Variants in CRYBG3 observed in about 807,000 individuals in gnomAD.
CRYBG3 encodes crystallin beta-gamma domain containing 3.
A neutral mutation model predicts 244.2 loss-of-function variants in CRYBG3; 127 were observed. The observed-to-expected ratio is 0.52, with a 90% confidence interval of 0.45 to 0.60. The LOEUF (loss-of-function observed/expected upper bound fraction) is 0.60, where lower values mean the gene tolerates loss of function less well. Ranked by LOEUF, CRYBG3 falls within the 20% of genes least tolerant of loss-of-function variation. The pLI is 0.00. For missense variants in CRYBG3, 3,325 were observed against 3,442.5 expected, an observed-to-expected ratio of 0.97 and a Z score of 0.85; for synonymous variants, 1,132 against 1,195.8, an observed-to-expected ratio of 0.95 and a Z score of 1.10.
At chr3:97,893,087 A>G in intron 11 of CRYBG3, 94 bp downstream of exon 11, 1 of 1,066,720 alleles carries the variant, frequency 9.4e-7, no homozygotes, top group East Asian at 2.7e-5. Context: ...TTTGTTTTTA[A>G]TCTAAAAATA....
chr3:97,850,042 G>A (rs1399776413), intron 2 of CRYBG3, among the ~76,000 whole-genome samples: 2 of 151,958 alleles, frequency 1.3e-5, no homozygotes, highest in African/African-American at 4.8e-5. Flanking sequence ...GCTATTTCAC[G>A]GACCTCTCCT....
intron 12 of CRYBG3, among the ~76,000 whole-genome samples, chr3:97,897,946 C>T: frequency 6.6e-6 from 1 of 152,018 alleles, no homozygotes. Context: ...TTGGGCTGGG[C>T]ACGGTGGTTC....
At chr3:97,940,996 T>TTAATC in intron 19 of CRYBG3, 152 bp from the exon 20 acceptor site, 1 of 581,756 alleles carries the variant, frequency 1.7e-6, no homozygotes, top group South Asian at 2.5e-5. Context: ...ATTTACCATA[T>TTAATC]TAATCTATGC....
In CRYBG3 at chr3:97,915,719, C is replaced by T. The variant is rs2039922122; in HGVS notation, c.8224C>T (p.Leu2742Phe). ...CGCPASKVKSLKPIDYVFEEP... is the reference protein window; with the variant it reads ...CGCPASKVKSFKPIDYVFEEP... ...TTGCCCAGCATCTAAAGTCAAATCT[C>T]TCAAGCCCATTGACTATGTAAGTAC... is the stretch of plus-strand genomic sequence containing the variant. The change falls in exon 17 of 22, where the codon CTC becomes TTC. Residue 2742 changes from leucine (L) to phenylalanine (F), a missense_variant. Coordinates refer to ENST00000389622, the MANE Select transcript of CRYBG3 (RefSeq NM_153605.4). The T allele has an allele frequency of 6.2e-7, 1 of 1,612,044 alleles. No individual in the cohort carries two copies. The highest frequency in any genetic ancestry group is 8.5e-7 in the Non-Finnish European group (1 of 1,178,504).
At position 97,873,373 on chromosome 3, in the gene CRYBG3, T is replaced by C. The variant is rs2039328780; in HGVS notation, c.2179T>C (p.Ser727Pro). ...PPPSFCLEYT[S>P]AIFEFKEVLS... The stretch of plus-strand genomic sequence containing the variant: ...TCCTTCCTTTTGCCTTGAATATACA[T>C]CTGCAATTTTTGAATTCAAAGAAGT... Residue 727 changes from serine to proline, a missense_variant, in exon 4 of 22, where the codon TCT becomes CCT. Coordinates refer to ENST00000389622, the MANE Select transcript of CRYBG3 (RefSeq NM_153605.4). The C allele has an allele frequency of 6.5e-7, 1 of 1,535,710 alleles. No homozygotes were observed. Among genetic ancestry groups the C allele is most frequent in the Non-Finnish European group, 8.7e-7 (1 of 1,146,772 alleles).
At chr3:97,842,718 T>A (rs575941130) in intron 1 of CRYBG3, among the ~76,000 whole-genome samples, 75 of 152,280 alleles carry the variant, frequency 4.9e-4, no homozygotes, top group African/African-American at 1.8e-3. Context: ...TAGATAAACC[T>A]ACATCTATTT....
At chr3:97,837,895 T>C (rs555866660) in intron 1 of CRYBG3, among the ~76,000 whole-genome samples, 1 of 152,190 alleles carries the variant, frequency 6.6e-6, no homozygotes, top group East Asian at 1.9e-4. Flanking sequence ...GTCACAGTTA[T>C]GTATGAAAGA....
At position 97,832,694 on chromosome 3, in the gene CRYBG3, G is replaced by A. The variant is rs190616386; in HGVS notation, c.149+10339G>A. Among the ~76,000 whole-genome samples, 9 of 152,196 alleles carry A rather than the reference G, an allele frequency of 5.9e-5. No individual in the cohort carries two copies. The South Asian group carries it at 1.9e-3, about 32-fold the overall frequency. Reference sequence around the variant, plus strand: ...CCTGACTAAAACACCAAAAGCAATGGCAACAAAAGCCAAAATTGACAAATG... The same window carrying A: ...CCTGACTAAAACACCAAAAGCAATGACAACAAAAGCCAAAATTGACAAATG... On this transcript the variant is annotated intron_variant, in intron 1 of 21. Coordinates refer to ENST00000389622, the MANE Select transcript of CRYBG3 (RefSeq NM_153605.4).
At chr3:97,866,095 C>T (rs2039227313) in intron 3 of CRYBG3, among the ~76,000 whole-genome samples, 1 of 152,070 alleles carries the variant, frequency 6.6e-6, no homozygotes, top group Non-Finnish European at 1.5e-5. Context: ...CATTTATTTT[C>T]ATTATCAAGG....
intron 2 of CRYBG3, among the ~76,000 whole-genome samples, chr3:97,848,203 A>C (rs528199255): frequency 4.0e-4 from 61 of 152,294 alleles, no homozygotes; most frequent in Non-Finnish European, 7.5e-4. Context: ...GTCAAATTTA[A>C]ATGTGTTAAA....
chr3:97,827,565 G>T (rs897931186), intron 1 of CRYBG3, among the ~76,000 whole-genome samples: 2 of 152,144 alleles, frequency 1.3e-5, no homozygotes, highest in Non-Finnish European at 2.9e-5. Context: ...TTAACCAAGT[G>T]TGTGTTTGTT....
At position 97,873,725 on chromosome 3, in the gene CRYBG3, CA is replaced by C. The variant is rs746799379; in HGVS notation, c.2535del (p.Val846TrpfsTer16). ...ATATCCTTGTCCAAGGTATCTCTTT[CA>C]AAAGTGGAGCCCAGAAACATTTCTC... is the stretch of plus-strand genomic sequence containing the variant. Reference protein sequence around the residue: ...KTISLSKVSLSKVEPRNISQD... With the variant: ...KTISLSKVSLXKVEPRNISQD... On this transcript the variant is annotated frameshift_variant, in exon 4 of 22. Transcript: ENST00000389622. LOFTEE classifies it high-confidence loss of function. The C allele has an allele frequency of 1.3e-6, 2 of 1,535,866 alleles. No individual in the cohort carries two copies. The highest frequency in any genetic ancestry group is 2.4e-5 in the South Asian group (2 of 84,016).
Position 97,874,444 on chromosome 3 carries a change from G to T in CRYBG3, c.3250G>T (p.Asp1084Tyr). ...VNSHKPQNNL[D>Y]SIQVTKDLTH... ...TTCACATAAGCCCCAAAATAATTTG[G>T]ATTCTATACAAGTTACCAAAGATCT... Residue 1084 changes from aspartate (D) to tyrosine (Y), a missense_variant, in exon 4 of 22, where the codon GAT becomes TAT. Transcript: ENST00000389622. 5.9e-6 allele frequency: 9 copies of T among 1,535,080 alleles called. No individual in the cohort carries two copies. Among genetic ancestry groups the T allele is most frequent in the Non-Finnish European group, 7.8e-6 (9 of 1,146,506 alleles).
Position 97,872,984 on chromosome 3 carries a change from C to T in CRYBG3, c.1790C>T (p.Ser597Leu). Residue 597 changes from serine to leucine, a missense_variant, in exon 4 of 22, where the codon TCA (serine) becomes TTA (leucine). Around this residue, in one of 4 missense-constraint regions of CRYBG3, gnomAD observed 1,526 missense variants for 1,443.2 expected, o/e 1.06. Coordinates refer to ENST00000389622, the MANE Select transcript of CRYBG3 (RefSeq NM_153605.4). ...DLASLNYISE[S>L]AVVASLGNEN... ...GCCTCTTTAAATTACATCAGTGAAT[C>T]AGCAGTTGTAGCAAGCTTAGGAAAT... 1 of 1,535,652 alleles carries T rather than the reference C, an allele frequency of 6.5e-7. No homozygotes were observed. Among genetic ancestry groups the T allele is most frequent in the Non-Finnish European group, 8.7e-7 (1 of 1,146,756 alleles).
chr3:97,900,435 T>A lies in CRYBG3; in HGVS notation c.7972-18T>A. On this transcript the variant is annotated intron_variant, in intron 14 of 21. Transcript: ENST00000389622. ...TTATGTGATTACAATTTTGAAAATGTTTTAATATGTTTTTCAGGAACCACT... is the reference window on the plus strand; with the variant it reads ...TTATGTGATTACAATTTTGAAAATGATTTAATATGTTTTTCAGGAACCACT... 1 of 1,519,962 alleles carries A rather than the reference T, an allele frequency of 6.6e-7. No homozygotes were observed. The highest frequency in any genetic ancestry group is 9.1e-7 in the Non-Finnish European group (1 of 1,099,270). The allele number at this position is 1,519,962 out of a possible 1,614,324, so 94.2% of individuals were successfully genotyped here.
At chr3:97,889,508 G>A (rs1159299267) in intron 10 of CRYBG3, 118 bp downstream of exon 10, 2 of 839,504 alleles carry the variant, frequency 2.4e-6, no homozygotes, top group Non-Finnish European at 3.9e-6. Flanking sequence ...CTTAGCTAAT[G>A]GATTTTGGGG....
At chr3:97,846,689 C>T (rs181827952) in intron 2 of CRYBG3, among the ~76,000 whole-genome samples, 14 of 152,258 alleles carry the variant, frequency 9.2e-5, no homozygotes, top group Admixed American at 6.5e-4. Context: ...CCATGTCTGA[C>T]ACTGCCTTAA....
In CRYBG3 at chr3:97,941,149, C is replaced by T. The variant is rs760908542; in HGVS notation, c.8507C>T (p.Pro2836Leu). Residue 2836 changes from proline (P) to leucine (L), a missense_variant and splice_region_variant, in exon 20 of 22, where the codon CCT (proline) becomes CTT (leucine). This residue lies in a region of CRYBG3 where 714 missense variants were observed against 803.6 expected (regional missense o/e 0.89). Coordinates refer to ENST00000389622, the MANE Select transcript of CRYBG3 (RefSeq NM_153605.4). ...AAATGGCTGTTTCTCCTGTCATAGC[C>T]TGCAGTGTACATCAGAATAAAGAAC... ...TIGSLRPMKQ[P>L]AVYIRIKNRA... 3.1e-6 allele frequency: 5 copies of T among 1,604,812 alleles called. No homozygotes were observed. In the Admixed American group the frequency reaches 6.8e-5, roughly 22 times the overall value.
At chr3:97,823,097 A>AT (rs1298822635) in intron 1 of CRYBG3, among the ~76,000 whole-genome samples, 6 of 152,078 alleles carry the variant, frequency 3.9e-5, no homozygotes, top group Admixed American at 3.3e-4. Context: ...TCTCTGTAAT[A>AT]TTTTTATCTT....
Sources: allele counts gnomAD v4.1 joint callset (sites outside exome capture counted in the v4.1 genomes callset), GRCh38; gene constraint gnomAD v4.1.1; regional missense constraint gnomAD v4.1.1; transcripts MANE v1.5; gene names NCBI Gene and HGNC (gene_info 2026-07-23, HGNC 2026-07-21).